The following LRMDA variants were observed in gnomAD, a reference collection of about 807,000 sequenced individuals.
LRMDA encodes the protein leucine rich melanocyte differentiation associated, also known as leucine-rich melanocyte differentiation-associated protein.
In LRMDA, 18 loss-of-function variants were observed where a neutral mutation model predicts 29.8. That is an observed-to-expected ratio of 0.60 (90% CI 0.42 to 0.90). The LOEUF (loss-of-function observed/expected upper bound fraction) is 0.90, where lower values mean the gene tolerates loss of function less well. LRMDA is among the 40% of genes least tolerant of loss of function. LRMDA has a pLI of 0.00. For synonymous variants in LRMDA, 125 were observed against 109.4 expected (o/e 1.14, Z -0.89); for missense variants, 273 against 273.9 (o/e 1.00, Z 0.02).
chr10:76,179,368 A>C (rs1162156831), intron 5 of LRMDA, among the ~76,000 whole-genome samples: 5 of 151,738 alleles, frequency 3.3e-5, no homozygotes, highest in Non-Finnish European at 7.4e-5. Context: ...AACTGAACAG[A>C]TGAGGAAACG....
intron 2 of LRMDA, among the ~76,000 whole-genome samples, chr10:75,938,928 T>C (rs1209408196): frequency 3.3e-5 from 5 of 152,182 alleles, no homozygotes; most frequent in African/African-American, 9.6e-5. Context: ...ATATTGATCC[T>C]CTCCGTGCCC....
intron 5 of LRMDA, among the ~76,000 whole-genome samples, chr10:76,193,342 A>G (rs1851279630): frequency 6.6e-6 from 1 of 152,194 alleles, no homozygotes; most frequent in African/African-American, 2.4e-5. Context: ...GTCATTTTAA[A>G]TAATAATTAG....
At chr10:76,195,383 T>G (rs911804752) in intron 5 of LRMDA, among the ~76,000 whole-genome samples, 1 of 152,210 alleles carries the variant, frequency 6.6e-6, no homozygotes, top group Non-Finnish European at 1.5e-5. Context: ...AGGCATAATG[T>G]GCCTTTTGAG....
rs559569601 is a variant in LRMDA, at chr10:75,762,522, A to G, written c.132-273486A>G. ...GGCACTTGAGCAGAATGTTGACACA[A>G]GAAACCAGAGTCACATTCACCTTGT... is the stretch of plus-strand genomic sequence containing the variant. On this transcript the variant is annotated intron_variant, in intron 2 of 6. Coordinates refer to ENST00000611255, the MANE Select transcript of LRMDA (RefSeq NM_001305581.2). Among the ~76,000 whole-genome samples the G allele has an allele frequency of 9.8e-5, 15 of 152,360 alleles. No individual in the cohort carries two copies. The South Asian group carries it at 1.0e-3, about 11-fold the overall frequency.
chr10:76,536,110 A>C (rs1242644687), intron 6 of LRMDA: 2 of 152,180 alleles, frequency 1.3e-5, no homozygotes, highest in Non-Finnish European at 2.9e-5. Flanking sequence ...CATTTAAATA[A>C]ATTACAGACA....
chr10:75,486,813 T>C (rs1460246905), intron 2 of LRMDA, among the ~76,000 whole-genome samples: 2 of 152,190 alleles, frequency 1.3e-5, no homozygotes, highest in Admixed American at 1.3e-4. Flanking sequence ...AGCATCTTTG[T>C]TGGGACCATC....
intron 5 of LRMDA, among the ~76,000 whole-genome samples, chr10:76,240,712 T>C (rs1852257311): frequency 1.3e-5 from 2 of 150,792 alleles, no homozygotes; most frequent in South Asian, 2.1e-4. Context: ...AATTGCATAA[T>C]ATGGAACCAG....
At chr10:76,088,448 A>G (rs1253365419) in intron 5 of LRMDA, among the ~76,000 whole-genome samples, 1 of 152,144 alleles carries the variant, frequency 6.6e-6, no homozygotes, top group South Asian at 2.1e-4. Flanking sequence ...GAAAATATAT[A>G]TTGAGACTTT....
At chr10:75,919,661 C>G (rs915655451) in intron 2 of LRMDA, among the ~76,000 whole-genome samples, 7 of 152,030 alleles carry the variant, frequency 4.6e-5, no homozygotes, top group African/African-American at 1.7e-4. Context: ...TGGCTTACCC[C>G]CCGAAAAAGG....
chr10:76,549,861 T>A (rs1389136115), intron 6 of LRMDA, among the ~76,000 whole-genome samples: 1 of 152,148 alleles, frequency 6.6e-6, no homozygotes, highest in Non-Finnish European at 1.5e-5. Context: ...GTAGAAATAA[T>A]GAAAACAAAA....
chr10:76,419,320 T>C (rs1162082372), intron 6 of LRMDA, among the ~76,000 whole-genome samples: 2 of 152,114 alleles, frequency 1.3e-5, no homozygotes, highest in Non-Finnish European at 2.9e-5. Flanking sequence ...CATAATGTAA[T>C]ATAAATGGAA....
chr10:75,634,897 GA>G (rs1272335472), intron 2 of LRMDA, among the ~76,000 whole-genome samples: 3 of 152,042 alleles, frequency 2.0e-5, no homozygotes, highest in South Asian at 4.2e-4. Flanking sequence ...TTTATATGAG[GA>G]AAACTATAAA....
intron 5 of LRMDA, among the ~76,000 whole-genome samples, chr10:76,316,434 C>T (rs868490928): frequency 6.6e-5 from 10 of 152,362 alleles, no homozygotes; most frequent in Non-Finnish European, 1.5e-4. Context: ...CTTGCCACTC[C>T]ATGCCTGGCT....
intron 2 of LRMDA, among the ~76,000 whole-genome samples, chr10:75,871,096 G>A (rs1354969864): frequency 6.6e-6 from 1 of 152,048 alleles, no homozygotes; most frequent in Non-Finnish European, 1.5e-5. Context: ...TCTTTCCCAG[G>A]CTAGCCAATG....
At chr10:76,332,863 A>G (rs1188980473) in intron 6 of LRMDA, among the ~76,000 whole-genome samples, 1 of 152,214 alleles carries the variant, frequency 6.6e-6, no homozygotes, top group Admixed American at 6.5e-5. Context: ...AATAGAGAAT[A>G]TTATCTCTAT....
At chr10:76,485,982 T>A (rs914353969) in intron 6 of LRMDA, among the ~76,000 whole-genome samples, 1 of 152,018 alleles carries the variant, frequency 6.6e-6, no homozygotes, top group Admixed American at 6.6e-5. Flanking sequence ...TTTCTTTGAG[T>A]ACTGAGATCC....
At chr10:75,814,860 A>G (rs982340837) in intron 2 of LRMDA, among the ~76,000 whole-genome samples, 1 of 152,198 alleles carries the variant, frequency 6.6e-6, no homozygotes, top group Admixed American at 6.5e-5. Flanking sequence ...TTCATGTTTC[A>G]GTTGATTTTT....
intron 2 of LRMDA, among the ~76,000 whole-genome samples, chr10:75,810,247 T>G (rs1222141194): frequency 1.3e-5 from 2 of 152,312 alleles, no homozygotes; most frequent in African/African-American, 2.4e-5. Context: ...ACACAGCTAC[T>G]TAAGTGTCCT....
At chr10:75,626,306 C>G (rs1841249421) in intron 2 of LRMDA, among the ~76,000 whole-genome samples, 1 of 152,166 alleles carries the variant, frequency 6.6e-6, no homozygotes, top group Non-Finnish European at 1.5e-5. Context: ...TCATTCCTCT[C>G]CACAATCCTT....
Sources: gnomAD v4.1 joint callset for allele counts (sites outside exome capture counted in the v4.1 genomes callset) on GRCh38, gnomAD v4.1.1 for gene constraint, MANE v1.5 for transcripts, NCBI Gene and HGNC (gene_info 2026-07-23, HGNC 2026-07-21) for gene names.